Variants in USP47 observed in about 807,000 individuals in gnomAD.
USP47 encodes ubiquitin carboxyl-terminal hydrolase 47.
A neutral mutation model predicts 165.1 loss-of-function variants in USP47; 35 were observed. That is an observed-to-expected ratio of 0.21 (90% confidence interval 0.16 to 0.28). USP47 has a LOEUF of 0.28. Ranked by LOEUF, USP47 falls within the 10% of genes least tolerant of loss-of-function variation. USP47 has a pLI of 1.00. For missense variants in USP47, 1,277 were observed against 1,607.4 expected (o/e 0.79, Z 3.52); for synonymous variants, 531 against 544.5 (o/e 0.98, Z 0.35).
chr11:11,917,982 T>C (rs1429250878), intron 8 of USP47, among the ~76,000 whole-genome samples: 1 of 152,144 alleles, frequency 6.6e-6, no homozygotes, highest in Non-Finnish European at 1.5e-5. Context: ...AGGCTCAGGA[T>C]TTTTGCATGG....
intron 4 of USP47, among the ~76,000 whole-genome samples, chr11:11,892,358 CTTTTCTTTTCTTTTTAATTTTCTTT>C: frequency 7.0e-6 from 1 of 142,584 alleles, no homozygotes; most frequent in Non-Finnish European, 1.5e-5. Flanking sequence ...TTAAGGAAGA[CTTTTCTTTTCTTTTTAATTTTCTTT>C]TTTTTTTTTT....
chr11:11,845,349 T>C (rs941121533), intron 1 of USP47, among the ~76,000 whole-genome samples: 1 of 152,158 alleles, frequency 6.6e-6, no homozygotes, highest in Non-Finnish European at 1.5e-5. Flanking sequence ...GTTCAAAACC[T>C]TCATACACAT....
At chr11:11,952,567 G>A in intron 24 of USP47, 174 bp from the exon 25 acceptor site, 1 of 509,928 alleles carries the variant, frequency 2.0e-6, no homozygotes, top group Non-Finnish European at 3.2e-6. Flanking sequence ...GGAGAGAAGA[G>A]AGTAAATATT....
Position 11,920,442 on chromosome 11 carries a change from T to C in USP47, c.1166T>C (p.Met389Thr). ...CATAGGATTAAACTGAATGATCGAA[T>C]GACATTTCCCGAGGAACTAGATATG... ...TMHRIKLNDR[M>T]TFPEELDMST... The change falls in exon 10 of 28, where the codon ATG becomes ACG. Residue 389 changes from methionine to threonine, a missense_variant. Transcript: ENST00000527733. 1 of 1,611,136 alleles carries C rather than the reference T, an allele frequency of 6.2e-7. No individual in the cohort carries two copies. Among genetic ancestry groups the C allele is most frequent in the Non-Finnish European group, 8.5e-7 (1 of 1,178,272 alleles).
intron 3 of USP47, among the ~76,000 whole-genome samples, chr11:11,888,662 A>G (rs1851321436): frequency 6.6e-6 from 1 of 152,196 alleles, no homozygotes; most frequent in African/African-American, 2.4e-5. Context: ...AAACTATTCC[A>G]AAAAATTGAA....
At chr11:11,915,124 CA>C (rs1371510817) in intron 8 of USP47, among the ~76,000 whole-genome samples, 2 of 152,060 alleles carry the variant, frequency 1.3e-5, no homozygotes, top group African/African-American at 4.8e-5. Context: ...GTGGTTCATA[CA>C]AACCATGAAA....
intron 11 of USP47, among the ~76,000 whole-genome samples, chr11:11,928,924 T>G (rs1192005965): frequency 6.6e-6 from 1 of 152,024 alleles, no homozygotes; most frequent in Non-Finnish European, 1.5e-5. Flanking sequence ...ATAGTATAAT[T>G]CAGGATTCAT....
rs142490943 is a variant in USP47 at position 11,940,107 on chromosome 11, A to G, written c.2194-322A>G. ...GATATCAGCAGTCAAAAAGTCAGTT[A>G]CGCAGTTTCTTTGGAATCAGATCAC... On this transcript the variant is annotated intron_variant, in intron 18 of 27. Coordinates refer to ENST00000527733, the MANE Select transcript of USP47 (RefSeq NM_001282659.2). 1.4e-4 allele frequency among the ~76,000 whole-genome samples: 21 copies of G among 152,156 alleles called. No homozygotes were observed. In the East Asian group the frequency reaches 4.1e-3, roughly 29 times the overall value.
At chr11:11,901,277 A>G (rs559145664) in intron 5 of USP47, among the ~76,000 whole-genome samples, 4 of 152,362 alleles carry the variant, frequency 2.6e-5, no homozygotes, top group Admixed American at 1.3e-4. Context: ...TGTAAAGTGC[A>G]TCAGAGAAAA....
At chr11:11,889,450 T>C (rs1013303140) in intron 3 of USP47, among the ~76,000 whole-genome samples, 4 of 151,868 alleles carry the variant, frequency 2.6e-5, no homozygotes, top group Non-Finnish European at 2.9e-5. Context: ...ACGAATGAAC[T>C]CCCATTCACA....
At chr11:11,931,847 A>G (rs987295300) in intron 14 of USP47, among the ~76,000 whole-genome samples, 6 of 152,118 alleles carry the variant, frequency 3.9e-5, no homozygotes, top group Admixed American at 6.6e-5. Context: ...GTTACATATG[A>G]AGTTGTAATT....
At chr11:11,955,304 A>G in intron 27 of USP47, 140 bp downstream of exon 27, 1 of 1,082,246 alleles carries the variant, frequency 9.2e-7, no homozygotes. Context: ...GCCAAACATG[A>G]TTATAATTTG....
chr11:11,870,993 G>A (rs962850151), intron 1 of USP47, among the ~76,000 whole-genome samples: 1 of 152,042 alleles, frequency 6.6e-6, no homozygotes, highest in Non-Finnish European at 1.5e-5. Flanking sequence ...GGTGGGTCCT[G>A]GATGTTTTTT....
At chr11:11,880,131 T>C (rs1438862044) in intron 1 of USP47, 46 bp from the exon 2 acceptor site, 8 of 1,300,484 alleles carry the variant, frequency 6.2e-6, no homozygotes, top group South Asian at 1.6e-5. Context: ...ACTTTTGTTT[T>C]GCTTTAAAGA....
rs1564898761 is a variant in USP47, at chr11:11,956,430, AAAAG to A, written c.*256_*259del. The A allele has an allele frequency of 3.1e-6, 1 of 319,670 alleles. No individual in the cohort carries two copies. The highest frequency in any genetic ancestry group is 5.7e-6 in the Non-Finnish European group (1 of 175,758). The allele number at this position is 319,670 out of a possible 1,614,324, so 19.8% of individuals were successfully genotyped here. On this transcript the variant is annotated 3_prime_UTR_variant, in exon 28 of 28. Transcript: ENST00000527733. ...CAAAAAAATAAAAAAAAACAACAAAAAAAGCTAACCTTCTATTAGAAAAGGGGAC... is the reference window on the plus strand; with the variant it reads ...CAAAAAAATAAAAAAAAACAACAAAACTAACCTTCTATTAGAAAAGGGGAC...
chr11:11,932,956 C>A, intron 14 of USP47, 48 bp from the exon 15 acceptor site: 3 of 1,417,416 alleles, frequency 2.1e-6, no homozygotes, highest in African/African-American at 1.4e-5. Context: ...TGAATAAAGG[C>A]AGCTCAGTTT....
chr11:11,945,132 G>C (rs1855739992), intron 20 of USP47, among the ~76,000 whole-genome samples: 1 of 152,140 alleles, frequency 6.6e-6, no homozygotes. Context: ...AAAAGGTCTT[G>C]TTTGAAAAGA....
chr11:11,956,133 A>G lies in USP47; in HGVS notation c.4026A>G (p.Ile1342Met), dbSNP rs1226484772. Residue 1342 changes from isoleucine (I) to methionine (M), a missense_variant, in exon 28 of 28, where the codon ATA becomes ATG. This residue lies in a region of USP47 where 909 missense variants were observed against 1,068.1 expected (regional missense o/e 0.85). Coordinates refer to ENST00000527733, the MANE Select transcript of USP47 (RefSeq NM_001282659.2). ...CTCGTAAAGAGAAAGCACTAAAAAT[A>G]TATCTGGATGGAGCACCAAATAAAG... ...YSPRKEKALK[I>M]YLDGAPNKDL... The G allele has an allele frequency of 3.1e-6, 5 of 1,613,914 alleles. No homozygotes were observed. Among genetic ancestry groups the G allele is most frequent in the Non-Finnish European group, 4.2e-6 (5 of 1,179,962 alleles).
chr11:11,864,005 A>G (rs896473244), intron 1 of USP47, among the ~76,000 whole-genome samples: 6 of 152,182 alleles, frequency 3.9e-5, no homozygotes, highest in African/African-American at 9.6e-5. Flanking sequence ...TTGTACTACT[A>G]TTATGGTGAT....
Sources: allele counts gnomAD v4.1 joint callset (sites outside exome capture counted in the v4.1 genomes callset), GRCh38; gene constraint gnomAD v4.1.1; regional missense constraint gnomAD v4.1.1; transcripts MANE v1.5; gene names NCBI Gene and HGNC (gene_info 2026-07-23, HGNC 2026-07-21).